The following CAMK2D variants were observed in gnomAD, a reference collection of about 807,000 sequenced individuals.
CAMK2D encodes calcium/calmodulin-dependent protein kinase type II subunit delta.
Under a neutral mutation model 84.0 loss-of-function variants are expected in CAMK2D, and 37 were observed. The observed-to-expected ratio is 0.44, with a 90% CI of 0.34 to 0.58. The LOEUF is 0.58. CAMK2D is among the 20% of genes least tolerant of loss of function. The pLI is 0.02. For synonymous variants in CAMK2D, 202 were observed against 212.5 expected, an observed-to-expected ratio of 0.95 and a Z score of 0.43; for missense variants, 448 against 652.5, an observed-to-expected ratio of 0.69 and a Z score of 3.41.
intron 3 of CAMK2D, among the ~76,000 whole-genome samples, chr4:113,646,041 A>T (rs771507813): frequency 8.5e-5 from 13 of 152,206 alleles, no homozygotes; most frequent in Non-Finnish European, 1.6e-4. Flanking sequence ...CAAGTCAGGG[A>T]GAAGTCAATT....
At chr4:113,747,393 A>G (rs1470565942) in intron 2 of CAMK2D, among the ~76,000 whole-genome samples, 1 of 151,720 alleles carries the variant, frequency 6.6e-6, no homozygotes, top group Non-Finnish European at 1.5e-5. Context: ...TTCATTAATC[A>G]TAAGATGATA....
At chr4:113,632,522 C>G (rs1429038368) in intron 3 of CAMK2D, among the ~76,000 whole-genome samples, 1 of 151,348 alleles carries the variant, frequency 6.6e-6, no homozygotes, top group Non-Finnish European at 1.5e-5. Context: ...CACGCCCGGC[C>G]TGTGTGTGTG....
At chr4:113,519,518 C>T (rs2098329804) in intron 8 of CAMK2D, among the ~76,000 whole-genome samples, 1 of 150,272 alleles carries the variant, frequency 6.7e-6, no homozygotes, top group African/African-American at 2.4e-5. Context: ...GGCCCAAAGA[C>T]TTAAAAAAAA....
intron 2 of CAMK2D, chr4:113,755,170 GGATA>G (rs1357695727): frequency 8.4e-6 from 1 of 119,512 alleles, no homozygotes; most frequent in Non-Finnish European, 1.2e-5. Context: ...GGTTACTTAG[GGATA>G]CACACACACA....
At chr4:113,566,428 C>A (rs1362028236) in intron 4 of CAMK2D, among the ~76,000 whole-genome samples, 2 of 152,210 alleles carry the variant, frequency 1.3e-5, no homozygotes, top group Non-Finnish European at 2.9e-5. Context: ...TTTTCCTCCA[C>A]TTCCATTCTG....
At chr4:113,739,598 T>C (rs1270286907) in intron 2 of CAMK2D, among the ~76,000 whole-genome samples, 1 of 152,188 alleles carries the variant, frequency 6.6e-6, no homozygotes, top group African/African-American at 2.4e-5. Flanking sequence ...ATAATTGACA[T>C]GAGTAAAGAG....
At chr4:113,639,401 A>G (rs913646501) in intron 3 of CAMK2D, among the ~76,000 whole-genome samples, 3 of 152,158 alleles carry the variant, frequency 2.0e-5, no homozygotes, top group Admixed American at 1.3e-4. Context: ...TGAGGTCCCT[A>G]AGGCCAAATG....
chr4:113,704,916 G>A (rs2099439335), intron 2 of CAMK2D, among the ~76,000 whole-genome samples: 1 of 145,624 alleles, frequency 6.9e-6, no homozygotes, highest in African/African-American at 2.5e-5. Context: ...TTAGAACCAG[G>A]GTTAAACAAA....
chr4:113,722,081 C>T (rs1026322659), intron 2 of CAMK2D, among the ~76,000 whole-genome samples: 1 of 152,098 alleles, frequency 6.6e-6, no homozygotes, highest in Non-Finnish European at 1.5e-5. Flanking sequence ...TGTTAACCTA[C>T]CGATTGTCAG....
chr4:113,538,349 C>T (rs796799141), intron 6 of CAMK2D, among the ~76,000 whole-genome samples: 10 of 152,172 alleles, frequency 6.6e-5, no homozygotes, highest in African/African-American at 1.9e-4. Flanking sequence ...TTCCATGAAT[C>T]GCCTTTGTGG....
chr4:113,580,721 T>C (rs1015866547), intron 4 of CAMK2D, among the ~76,000 whole-genome samples: 4 of 152,134 alleles, frequency 2.6e-5, no homozygotes, highest in African/African-American at 9.7e-5. Context: ...ATCATGATAA[T>C]AATGGCAACT....
rs558693267 is a variant in CAMK2D at position 113,495,750 on chromosome 4, A to C, written c.1135+4713T>G. Among the ~76,000 whole-genome samples the C allele has an allele frequency of 3.3e-4, 50 of 152,250 alleles. No homozygotes were observed. The South Asian group carries it at 0.01, about 31-fold the overall frequency. On this transcript the variant is annotated intron_variant, in intron 16 of 20. Coordinates refer to ENST00000511664, the MANE Select transcript of CAMK2D (RefSeq NM_001321571.2). ...TTCAAGAAGGATGAAGTCTCCACACACAGTCTCATAGCCATAGAATCTGCT... is the reference window on the plus strand; with the variant it reads ...TTCAAGAAGGATGAAGTCTCCACACCCAGTCTCATAGCCATAGAATCTGCT...
chr4:113,526,298 T>C (rs1560719894), intron 8 of CAMK2D, among the ~76,000 whole-genome samples: 1 of 152,154 alleles, frequency 6.6e-6, no homozygotes. Context: ...AATTTGGCTG[T>C]TTGCATAATA....
intron 17 of CAMK2D, among the ~76,000 whole-genome samples, chr4:113,464,789 A>G (rs1451034805): frequency 6.6e-6 from 1 of 152,182 alleles, no homozygotes; most frequent in Non-Finnish European, 1.5e-5. Context: ...GTCACCTCCT[A>G]ATCTCTTTCT....
At chr4:113,623,027 C>T (rs7676656) in intron 3 of CAMK2D, among the ~76,000 whole-genome samples, 90,024 of 151,946 alleles carry the variant, frequency 0.59, 28,484 homozygotes, top group East Asian at 0.8. Context: ...AGAGAACTTA[C>T]ATGGCCCACA....
chr4:113,679,353 C>T (rs1477963309), intron 2 of CAMK2D: 3 of 453,970 alleles, frequency 6.6e-6, no homozygotes, highest in Non-Finnish European at 8.7e-6. Flanking sequence ...AAAATTTAGA[C>T]TCTTATCCTC....
intron 4 of CAMK2D, among the ~76,000 whole-genome samples, chr4:113,587,488 C>T (rs947944021): frequency 5.9e-5 from 9 of 152,126 alleles, no homozygotes; most frequent in Admixed American, 1.3e-4. Flanking sequence ...TCTTTCACAC[C>T]GTAACACTCA....
At chr4:113,570,504 G>T (rs537123967) in intron 4 of CAMK2D, among the ~76,000 whole-genome samples, 6 of 152,244 alleles carry the variant, frequency 3.9e-5, no homozygotes, top group Admixed American at 6.5e-5. Context: ...TACATTTATG[G>T]TCAACTAATT....
At chr4:113,590,638 A>T (rs905798600) in intron 4 of CAMK2D, among the ~76,000 whole-genome samples, 1 of 152,192 alleles carries the variant, frequency 6.6e-6, no homozygotes, top group Non-Finnish European at 1.5e-5. Context: ...TGAGGCTCCA[A>T]TAAAAGTTCT....
Sources: gnomAD v4.1 joint callset for allele counts (sites outside exome capture counted in the v4.1 genomes callset) on GRCh38, gnomAD v4.1.1 for gene constraint, MANE v1.5 for transcripts, NCBI Gene and HGNC (gene_info 2026-07-23, HGNC 2026-07-21) for gene names.